The following SAMSN1 variants were observed in gnomAD, a reference collection of about 807,000 sequenced individuals.
The protein encoded by SAMSN1 is SAM domain, SH3 domain and nuclear localization signals 1.
SAMSN1 carries 31 observed loss-of-function variants against 42.0 expected under a neutral mutation model. The observed-to-expected ratio is 0.74, with a 90% CI of 0.55 to 1.00. SAMSN1 has a LOEUF of 1.00. Ranked by LOEUF, SAMSN1 falls within the 50% of genes least tolerant of loss-of-function variation. The pLI is 0.00. For missense variants in SAMSN1, 464 were observed against 439.4 expected (o/e 1.06, Z -0.50); for synonymous variants, 178 against 151.9 (o/e 1.17, Z -1.26).
chr21:14,527,844 G>C (rs894365146), intron 1 of SAMSN1, among the ~76,000 whole-genome samples: 1 of 149,956 alleles, frequency 6.7e-6, no homozygotes, highest in Non-Finnish European at 1.5e-5. Flanking sequence ...TATGCAACAA[G>C]TCTGATGAGT....
intron 1 of SAMSN1, among the ~76,000 whole-genome samples, chr21:14,536,418 G>A (rs978630018): frequency 6.6e-6 from 1 of 152,100 alleles, no homozygotes. Context: ...CAAACAAAGG[G>A]GAGGCTACAC....
intron 2 of SAMSN1, among the ~76,000 whole-genome samples, chr21:14,625,145 T>C (rs1983130899): frequency 6.6e-6 from 1 of 152,100 alleles, no homozygotes; most frequent in Non-Finnish European, 1.5e-5. Context: ...ATAAGAGCTA[T>C]CTATGACAAA....
At position 14,516,936 on chromosome 21, in the gene SAMSN1, T is replaced by C. The variant is rs749695372; in HGVS notation, c.235A>G (p.Lys79Glu). The change falls in exon 3 of 8, where the codon AAA becomes GAA. Residue 79 changes from lysine to glutamate, a missense_variant. Physicochemically the swap from Lys to Glu is moderately conservative, Grantham distance 56 (BLOSUM62 1). Coordinates refer to ENST00000400566, the MANE Select transcript of SAMSN1 (RefSeq NM_022136.5). Reference protein sequence around the residue: ...KMRAISWTMKKKVGKKYIKAL... With the variant: ...KMRAISWTMKEKVGKKYIKAL... ...TTGATGTACTTTTTACCCACTTTTT[T>C]CTTCATTGTCCATGAAATAGCTCTC... 1.2e-6 allele frequency: 2 copies of C among 1,612,942 alleles called. No individual in the cohort carries two copies. The highest frequency in any genetic ancestry group is 1.7e-6 in the Non-Finnish European group (2 of 1,179,510).
intron 6 of SAMSN1, among the ~76,000 whole-genome samples, chr21:14,601,672 G>T (rs1029047065): frequency 3.3e-5 from 5 of 152,110 alleles, no homozygotes; most frequent in Admixed American, 1.3e-4. Context: ...AGTTTTGAAA[G>T]GGATTGGTCA....
intron 6 of SAMSN1, among the ~76,000 whole-genome samples, chr21:14,601,718 C>CATAG (rs1267121143): frequency 6.6e-6 from 1 of 152,146 alleles, no homozygotes; most frequent in Non-Finnish European, 1.5e-5. Context: ...AAGTGTTTAG[C>CATAG]ATAGGTCTTG....
upstream of SAMSN1, chr21:14,583,757 TCACTGCCTGATTTTATGGCCTAGCACAAA>T (rs1353546021): frequency 1.4e-6 from 1 of 717,904 alleles, no homozygotes; most frequent in Admixed American, 2.0e-5. Context: ...TTCCACAGGG[TCACTGCCTGATTTTATGGCCTAGCACAAA>T]CACAGCTCAA....
rs374906100 is a variant in SAMSN1 at position 14,615,353 on chromosome 21, G to A, written c.197+623C>T. 6.8e-4 allele frequency among the ~76,000 whole-genome samples: 103 copies of A among 152,026 alleles called. No individual in the cohort carries two copies. In the Middle Eastern group the frequency reaches 0.01, roughly 15 times the overall value. On this transcript the variant is annotated intron_variant, in intron 3 of 15. Transcript: ENST00000647101. ...AAGGAAAGAATATGAAAAAGCACAA[G>A]AGCTTTTGAGAAAGAGGACACCCAG...
intron 2 of SAMSN1, among the ~76,000 whole-genome samples, chr21:14,628,876 A>G (rs1983249083): frequency 6.6e-6 from 1 of 152,168 alleles, no homozygotes; most frequent in African/African-American, 2.4e-5. Context: ...TTTAATCCTC[A>G]CAACAATCTG....
At chr21:14,568,253 G>T (rs989468520) in intron 2 of SAMSN1, among the ~76,000 whole-genome samples, 1 of 152,056 alleles carries the variant, frequency 6.6e-6, no homozygotes, top group Admixed American at 6.6e-5. Flanking sequence ...GGTTTATAAG[G>T]CCTCTGATTC....
chr21:14,534,153 T>A (rs186871872), intron 1 of SAMSN1, among the ~76,000 whole-genome samples: 1 of 152,368 alleles, frequency 6.6e-6, no homozygotes, highest in African/African-American at 2.4e-5. Context: ...ACAAACTATC[T>A]TCTGGAGTAG....
intron 2 of SAMSN1, among the ~76,000 whole-genome samples, chr21:14,638,319 AT>A (rs950665208): frequency 3.9e-5 from 6 of 152,168 alleles, no homozygotes; most frequent in Admixed American, 1.3e-4. Flanking sequence ...TGTTTTACTC[AT>A]TTTTTATATG....
chr21:14,619,630 A>C, intron 2 of SAMSN1: 1 of 307,304 alleles, frequency 3.3e-6, no homozygotes, highest in Non-Finnish European at 6.9e-6. Flanking sequence ...GTAGGGGAGA[A>C]AAGATTTATT....
intron 7 of SAMSN1, among the ~76,000 whole-genome samples, chr21:14,490,924 T>A (rs1986657554): frequency 6.6e-6 from 1 of 152,174 alleles, no homozygotes; most frequent in South Asian, 2.1e-4. Context: ...AAGATCACGA[T>A]AACTCAGCAC....
intron 1 of SAMSN1, among the ~76,000 whole-genome samples, chr21:14,655,636 A>C (rs1250253273): frequency 6.6e-6 from 1 of 151,820 alleles, no homozygotes; most frequent in Non-Finnish European, 1.5e-5. Flanking sequence ...AAATTGGGAA[A>C]AGGCAGGACT....
rs1987626887 is a variant in SAMSN1, at chr21:14,510,295, A to G, written c.561+15T>C. On this transcript the variant is annotated intron_variant, in intron 5 of 7. Coordinates refer to ENST00000400566, the MANE Select transcript of SAMSN1 (RefSeq NM_022136.5). ...TGACAGACCATTCAGAAGGTGGGAT[A>G]TGATGTCCTCTCACCTTGATTTTGA... The G allele has an allele frequency of 6.2e-7, 1 of 1,612,670 alleles. No homozygotes were observed. Among genetic ancestry groups the G allele is most frequent in the Non-Finnish European group, 8.5e-7 (1 of 1,178,630 alleles).
rs143592338 is a variant in SAMSN1, at chr21:14,577,638, G to C, written c.261+4498C>G. ...CCATGCTCTTAGCTTACAGAGCTTC[G>C]TAAGTACTCTTCAGTTATTCTTCTT... is the stretch of plus-strand genomic sequence containing the variant. On this transcript the variant is annotated intron_variant, in intron 2 of 8. Transcript: ENST00000285670. 5.3e-3 allele frequency among the ~76,000 whole-genome samples: 802 copies of C among 151,874 alleles called. 10 individuals are homozygous for C. The highest frequency in any genetic ancestry group is 0.019 in the African/African-American group (781 of 41,396).
chr21:14,642,890 A>C, intron 2 of SAMSN1: 1 of 588,818 alleles, frequency 1.7e-6, no homozygotes, highest in Non-Finnish European at 3.1e-6. Flanking sequence ...AGGAAAAGGA[A>C]TAACTTTCTG....
intron 2 of SAMSN1, among the ~76,000 whole-genome samples, chr21:14,625,863 A>G (rs186593163): frequency 7.9e-5 from 12 of 152,354 alleles, no homozygotes; most frequent in African/African-American, 2.6e-4. Context: ...GCATCACGCT[A>G]CCTGACTTCA....
At chr21:14,580,708 A>C (rs926188724) in intron 2 of SAMSN1, among the ~76,000 whole-genome samples, 4 of 152,274 alleles carry the variant, frequency 2.6e-5, no homozygotes, top group African/African-American at 9.6e-5. Flanking sequence ...GTCTTTGCAG[A>C]CTTAATGCAC....
Sources: allele counts gnomAD v4.1 joint callset (sites outside exome capture counted in the v4.1 genomes callset), GRCh38; gene constraint gnomAD v4.1.1; transcripts MANE v1.5; gene names NCBI Gene and HGNC (gene_info 2026-07-23, HGNC 2026-07-21).